The following DAPK2 variants were observed in gnomAD, a reference collection of about 807,000 sequenced individuals.
DAPK2 encodes the protein death associated protein kinase 2, also known as death-associated protein kinase 2.
DAPK2 carries 35 observed loss-of-function variants against 44.1 expected under a neutral mutation model. The observed-to-expected ratio is 0.79, with a 90% CI of 0.61 to 1.05. The LOEUF is 1.05. Ranked by LOEUF, DAPK2 falls within the 50% of genes least tolerant of loss-of-function variation. DAPK2 has a pLI of 0.00. For synonymous variants in DAPK2, 174 were observed against 182.6 expected (o/e 0.95, Z 0.38); for missense variants, 453 against 483.2 (o/e 0.94, Z 0.59).
chr15:64,007,659 T>A (rs989153722), intron 1 of DAPK2, among the ~76,000 whole-genome samples: 3 of 152,200 alleles, frequency 2.0e-5, no homozygotes, highest in African/African-American at 7.2e-5. Flanking sequence ...ACTATAAAAT[T>A]CTGCATAAGG....
intron 1 of DAPK2, among the ~76,000 whole-genome samples, chr15:64,027,906 G>A (rs2079897728): frequency 6.6e-6 from 1 of 152,140 alleles, no homozygotes; most frequent in Admixed American, 6.6e-5. Flanking sequence ...ATGCAGAGAG[G>A]AAATTAAACA....
chr15:63,978,417 G>A (rs767640900), intron 2 of DAPK2, among the ~76,000 whole-genome samples: 1 of 152,220 alleles, frequency 6.6e-6, no homozygotes, highest in African/African-American at 2.4e-5. Context: ...CCACTGACAT[G>A]AAGTCTGGGG....
At chr15:63,911,530 G>C in intron 10 of DAPK2, 1 of 251,032 alleles carries the variant, frequency 4.0e-6, no homozygotes, top group Non-Finnish European at 7.7e-6. Context: ...AAACAAAGCA[G>C]AAATAGAAAT....
chr15:63,938,127 A>G (rs117260835), intron 4 of DAPK2, among the ~76,000 whole-genome samples: 5,030 of 152,302 alleles, frequency 0.033, 111 homozygotes, highest in South Asian at 0.095. Flanking sequence ...TGATGGTTTG[A>G]TGCCTTGTTT....
intron 4 of DAPK2, among the ~76,000 whole-genome samples, chr15:63,930,931 C>T (rs73452759): frequency 6.5e-4 from 99 of 152,172 alleles, no homozygotes; most frequent in African/African-American, 2.1e-3. Flanking sequence ...CATGATGGCA[C>T]ATGTCTGCAG....
chr15:64,012,990 G>A (rs764555647), intron 1 of DAPK2, among the ~76,000 whole-genome samples: 2 of 152,164 alleles, frequency 1.3e-5, no homozygotes, highest in African/African-American at 2.4e-5. Context: ...GATATAAATT[G>A]TATCTTCGAT....
chr15:64,020,527 C>T lies in DAPK2; in HGVS notation c.92+19643G>A, dbSNP rs911532258. 3.3e-5 allele frequency among the ~76,000 whole-genome samples: 5 copies of T among 152,168 alleles called. No individual in the cohort carries two copies. Among genetic ancestry groups the T allele is most frequent in the African/African-American group, 1.2e-4 (5 of 41,428 alleles). On this transcript the variant is annotated intron_variant, in intron 1 of 10. Coordinates refer to ENST00000261891, the Ensembl canonical transcript of DAPK2. This position sits in a 1 kb window ranked among gnomAD's most constrained non-coding sequence, Gnocchi z 4.5. ...CATATCACATATTTTTATTAAGCAC[C>T]AGCTATGGAAAGGTATCGCTTGCTT... is the stretch of plus-strand genomic sequence containing the variant.
rs1319840244 is a variant in DAPK2 at position 63,939,817 on chromosome 15, C to T, written c.454-456G>A. Among the ~76,000 whole-genome samples, 3 of 152,198 alleles carry T rather than the reference C, an allele frequency of 2.0e-5. No homozygotes were observed. The highest frequency in any genetic ancestry group is 4.4e-5 in the Non-Finnish European group (3 of 68,034). On this transcript the variant is annotated intron_variant, in intron 3 of 10. Coordinates refer to ENST00000261891, the Ensembl canonical transcript of DAPK2. The surrounding 1 kb of genome is among the most constrained non-coding windows in gnomAD (Gnocchi z 4.3). ...TACTTGGCTTACTGACCTTGGTCTT[C>T]CTGACCGCCTCTTTCCCCTGGCCAG...
intron 1 of DAPK2, among the ~76,000 whole-genome samples, chr15:63,985,307 G>A (rs113689498): frequency 7.2e-5 from 11 of 152,362 alleles, no homozygotes; most frequent in Admixed American, 3.9e-4. Context: ...AAGGGCTGAC[G>A]CAGGTGGAGT....
Position 63,908,476 on chromosome 15 carries a change from CG to C in DAPK2, c.*43del. On this transcript the variant is annotated 3_prime_UTR_variant, in exon 11 of 11. Coordinates refer to ENST00000261891, the Ensembl canonical transcript of DAPK2. The surrounding 1 kb of genome is among the most constrained non-coding windows in gnomAD (Gnocchi z 5.7). ...CAAAAGTCTGCACAGAAGGGAGCCCCGCTGGGCCCAGACCTCCCTGGCGGCC... is the reference window on the plus strand; with the variant it reads ...CAAAAGTCTGCACAGAAGGGAGCCCCCTGGGCCCAGACCTCCCTGGCGGCC... The C allele has an allele frequency of 7.1e-7, 1 of 1,415,058 alleles. No individual in the cohort carries two copies. The highest frequency in any genetic ancestry group is 9.6e-7 in the Non-Finnish European group (1 of 1,041,798). 87.7% of individuals were successfully genotyped at this position (1,415,058 alleles called of 1,614,324 possible).
chr15:63,935,541 G>A (rs566594155), intron 4 of DAPK2: 1 of 152,086 alleles, frequency 6.6e-6, no homozygotes, highest in Non-Finnish European at 1.5e-5. Context: ...TCTTTTGCAG[G>A]TATTTGTCTT....
At position 64,013,378 on chromosome 15, in the gene DAPK2, A is replaced by G. The variant is rs2079439504; in HGVS notation, c.92+26792T>C. 1.3e-5 allele frequency among the ~76,000 whole-genome samples: 2 copies of G among 152,258 alleles called. No homozygotes were observed. ...TGAATGTGGGCAGTCTTAAGAGGCC[A>G]GGAACTAACAGCTTAAACTACACTA... On this transcript the variant is annotated intron_variant, in intron 1 of 10. Coordinates refer to ENST00000261891, the Ensembl canonical transcript of DAPK2. The surrounding 1 kb of genome is among the most constrained non-coding windows in gnomAD (Gnocchi z 4.7).
chr15:63,933,707 T>C (rs2077044458), intron 4 of DAPK2, among the ~76,000 whole-genome samples: 1 of 150,734 alleles, frequency 6.6e-6, no homozygotes, highest in African/African-American at 2.4e-5. Context: ...TAAGCGATCC[T>C]CTCACCTCAG....
intron 1 of DAPK2, among the ~76,000 whole-genome samples, chr15:64,012,918 G>T (rs2079425567): frequency 6.6e-6 from 1 of 152,186 alleles, no homozygotes; most frequent in South Asian, 2.1e-4. Flanking sequence ...CATAGCCAAT[G>T]AATATATTTA....
At chr15:63,940,078 C>G (rs1435331926) in intron 3 of DAPK2, among the ~76,000 whole-genome samples, 2 of 152,120 alleles carry the variant, frequency 1.3e-5, no homozygotes, top group African/African-American at 4.8e-5. Context: ...TGGGCCTGGC[C>G]CTCACACACC....
At chr15:63,976,915 T>G (rs781521287) in intron 2 of DAPK2, among the ~76,000 whole-genome samples, 9 of 152,202 alleles carry the variant, frequency 5.9e-5, no homozygotes, top group Non-Finnish European at 1.2e-4. Flanking sequence ...CACATTACAT[T>G]TCTATTGGAC....
Position 63,949,028 on chromosome 15 carries a change from C to T in DAPK2, c.454-9667G>A, listed in dbSNP as rs1016003349. Among the ~76,000 whole-genome samples the T allele has an allele frequency of 5.3e-5, 8 of 152,190 alleles. No individual in the cohort carries two copies. In the South Asian group the frequency reaches 6.2e-4, roughly 12 times the overall value. ...TGGCCTCCCCTCCTCTAGCTGATGC[C>T]GGCGTGCCTTCTGAAATCACCCTTG... On this transcript the variant is annotated intron_variant, in intron 3 of 10. Transcript: ENST00000261891.
At chr15:63,937,405 T>C (rs2077190852) in intron 4 of DAPK2, among the ~76,000 whole-genome samples, 1 of 152,184 alleles carries the variant, frequency 6.6e-6, no homozygotes, top group Non-Finnish European at 1.5e-5. Context: ...AAACTCTCCA[T>C]TGTATAGCCT....
At chr15:63,963,406 T>G (rs2077966743) in intron 3 of DAPK2, among the ~76,000 whole-genome samples, 1 of 152,240 alleles carries the variant, frequency 6.6e-6, no homozygotes, top group Non-Finnish European at 1.5e-5. Context: ...TCACCCATCT[T>G]CTGCGTCGCT....
Sources: allele counts gnomAD v4.1 joint callset (sites outside exome capture counted in the v4.1 genomes callset), GRCh38; gene constraint gnomAD v4.1.1; non-coding constraint Gnocchi (gnomAD v3.1); transcripts MANE v1.5; gene names NCBI Gene and HGNC (gene_info 2026-07-23, HGNC 2026-07-21).